Variants in CADPS2 observed in about 807,000 individuals in gnomAD.
CADPS2 encodes the protein calcium-dependent secretion activator 2.
A neutral mutation model predicts 172.5 loss-of-function variants in CADPS2; 93 were observed. The ratio of observed to expected loss-of-function variants is 0.54; its 90% CI spans 0.46 to 0.64. The LOEUF (loss-of-function observed/expected upper bound fraction) is 0.64. Ranked by LOEUF, CADPS2 falls within the 30% of genes least tolerant of loss-of-function variation. The pLI, the probability that CADPS2 is intolerant of heterozygous loss-of-function variation, is 0.00. For synonymous variants in CADPS2, 546 were observed against 555.2 expected (o/e 0.98, Z 0.23); for missense variants, 1,420 against 1,565.9 (o/e 0.91, Z 1.57).
intron 25 of CADPS2, chr7:122,366,685 G>GTGTA (rs1554466786): frequency 3.2e-4 from 40 of 126,776 alleles, no homozygotes; most frequent in African/African-American, 9.8e-4. Flanking sequence ...ATATATATAC[G>GTGTA]TATATATATA....
chr7:122,758,033 A>G (rs2138630374), intron 1 of CADPS2, among the ~76,000 whole-genome samples: 1 of 152,338 alleles, frequency 6.6e-6, no homozygotes, highest in Admixed American at 6.5e-5. Flanking sequence ...AGTCAACATC[A>G]TTTGACAAAC....
At chr7:122,416,593 C>T (rs890354106) in intron 17 of CADPS2, among the ~76,000 whole-genome samples, 23 of 152,234 alleles carry the variant, frequency 1.5e-4, no homozygotes, top group African/African-American at 4.6e-4. Context: ...TTTAAATTCC[C>T]GGCCTGAAAT....
At chr7:122,528,831 T>C (rs2061500857) in intron 8 of CADPS2, among the ~76,000 whole-genome samples, 2 of 152,122 alleles carry the variant, frequency 1.3e-5, no homozygotes, top group Admixed American at 1.3e-4. Flanking sequence ...ATTCATAAAC[T>C]ACTAAACATT....
intron 25 of CADPS2, chr7:122,366,656 CAT>C (rs2040915038): frequency 7.6e-6 from 1 of 131,790 alleles, no homozygotes; most frequent in African/African-American, 3.0e-5. Context: ...CATATATATA[CAT>C]ACACACATAC....
intron 1 of CADPS2, among the ~76,000 whole-genome samples, chr7:122,771,868 C>A (rs146212895): frequency 1.3e-5 from 2 of 152,250 alleles, no homozygotes; most frequent in African/African-American, 4.8e-5. Flanking sequence ...GTCAACTGAA[C>A]AGTGAGGTAA....
At chr7:122,411,469 C>T (rs747847473) in intron 19 of CADPS2, among the ~76,000 whole-genome samples, 6 of 152,096 alleles carry the variant, frequency 3.9e-5, no homozygotes, top group Non-Finnish European at 5.9e-5. Flanking sequence ...ATCCACCCGC[C>T]TCAGCCTCCC....
intron 17 of CADPS2, among the ~76,000 whole-genome samples, chr7:122,420,485 C>T (rs1585850280): frequency 6.6e-6 from 1 of 152,144 alleles, no homozygotes; most frequent in Non-Finnish European, 1.5e-5. Flanking sequence ...TCTGTGTATC[C>T]CGTCTCTGGT....
At position 122,820,209 on chromosome 7, in the gene CADPS2, C is replaced by T. The variant is rs1441954982; in HGVS notation, c.339+65790G>A. On this transcript the variant is annotated intron_variant, in intron 1 of 29. Transcript: ENST00000449022. ...TTACTATTCCTTTGCACCCTTAATC[C>T]CAGCCTCTCTTCACTTTCACTTGGA... is the stretch of plus-strand genomic sequence containing the variant. Among the ~76,000 whole-genome samples, 4 of 152,014 alleles carry T rather than the reference C, an allele frequency of 2.6e-5. No individual in the cohort carries two copies. In the East Asian group the frequency reaches 7.7e-4, roughly 29 times the overall value.
chr7:122,726,108 A>C (rs886607272), intron 2 of CADPS2, among the ~76,000 whole-genome samples: 5 of 151,926 alleles, frequency 3.3e-5, no homozygotes, highest in Non-Finnish European at 5.9e-5. Flanking sequence ...CAGAGGCAAA[A>C]GAATGCTTTT....
intron 1 of CADPS2, among the ~76,000 whole-genome samples, chr7:122,761,925 G>A (rs1389989852): frequency 6.7e-6 from 1 of 148,636 alleles, no homozygotes; most frequent in African/African-American, 2.5e-5. Flanking sequence ...TTGAACCCAG[G>A]AGGCAGATGT....
chr7:122,616,758 T>C (rs1040041945), intron 5 of CADPS2, among the ~76,000 whole-genome samples: 2 of 152,112 alleles, frequency 1.3e-5, no homozygotes, highest in South Asian at 2.1e-4. Context: ...AAATCTTGAT[T>C]AAAGAAAATA....
intron 9 of CADPS2, among the ~76,000 whole-genome samples, chr7:122,508,157 T>C (rs2059746162): frequency 6.6e-6 from 1 of 152,100 alleles, no homozygotes. Context: ...CGTTTTGAAA[T>C]GGAGTCTTGT....
intron 14 of CADPS2, among the ~76,000 whole-genome samples, chr7:122,469,268 C>A (rs1452742052): frequency 6.6e-6 from 1 of 152,080 alleles, no homozygotes. Context: ...ACCTTAGGTT[C>A]CCAATTTAAT....
At chr7:122,699,093 A>G (rs1429142730) in intron 2 of CADPS2, 1 of 566,922 alleles carries the variant, frequency 1.8e-6, no homozygotes, top group African/African-American at 1.9e-5. Context: ...ATGTCTTACT[A>G]GAGAGAGGTG....
At chr7:122,706,973 T>C (rs2087668573) in intron 2 of CADPS2, among the ~76,000 whole-genome samples, 1 of 151,496 alleles carries the variant, frequency 6.6e-6, no homozygotes, top group Non-Finnish European at 1.5e-5. Context: ...AGGTTAATCA[T>C]GATTTATCCT....
chr7:122,330,367 C>A (rs2034710438), intron 28 of CADPS2, among the ~76,000 whole-genome samples: 1 of 152,140 alleles, frequency 6.6e-6, no homozygotes, highest in South Asian at 2.1e-4. Context: ...AACATTAATG[C>A]ACTACAATTT....
At chr7:122,700,479 T>C (rs755188690) in intron 2 of CADPS2, among the ~76,000 whole-genome samples, 1 of 152,154 alleles carries the variant, frequency 6.6e-6, no homozygotes, top group African/African-American at 2.4e-5. Flanking sequence ...TTTTAAAAGG[T>C]AGTATATGGT....
chr7:122,692,887 G>A (rs2136083161), intron 2 of CADPS2, among the ~76,000 whole-genome samples: 1 of 152,358 alleles, frequency 6.6e-6, no homozygotes, highest in East Asian at 1.9e-4. Flanking sequence ...ATTGCCTTCA[G>A]GGTCAGCAGC....
At chr7:122,320,944 A>C (rs910774092) in intron 29 of CADPS2, among the ~76,000 whole-genome samples, 1 of 152,204 alleles carries the variant, frequency 6.6e-6, no homozygotes, top group African/African-American at 2.4e-5. Flanking sequence ...TGAAGTGCCA[A>C]ATTCTGACAT....
Sources: gnomAD v4.1 joint callset for allele counts (sites outside exome capture counted in the v4.1 genomes callset) on GRCh38, gnomAD v4.1.1 for gene constraint, MANE v1.5 for transcripts, NCBI Gene and HGNC (gene_info 2026-07-23, HGNC 2026-07-21) for gene names.